The following TYK2 variants were observed in gnomAD, a reference collection of about 807,000 sequenced individuals.
TYK2 encodes the protein non-receptor tyrosine-protein kinase TYK2.
In TYK2, 65 loss-of-function variants were observed where a neutral mutation model predicts 130.9. The observed-to-expected ratio is 0.50, with a 90% confidence interval of 0.41 to 0.61. TYK2 has a LOEUF of 0.61. Among genes scored for constraint, TYK2 ranks in the 20% least tolerant of loss-of-function variants. TYK2 has a pLI of 0.00. For missense variants in TYK2, 1,378 were observed against 1,610.7 expected (o/e 0.86, Z 2.47); for synonymous variants, 647 against 658.9 (o/e 0.98, Z 0.28).
At chr19:10,377,556 G>GGATGGA (rs2042182507) in intron 3 of TYK2, among the ~76,000 whole-genome samples, 3 of 58,954 alleles carry the variant, frequency 5.1e-5, no homozygotes, top group African/African-American at 1.9e-4. Context: ...GGGTGGGTGG[G>GGATGGA]TGGATGGATG....
chr19:10,378,264 T>C lies in TYK2; in HGVS notation c.143A>G (p.Glu48Gly). 6.2e-7 allele frequency: 1 copy of C among 1,612,906 alleles called. No homozygotes were observed. Among genetic ancestry groups the C allele is most frequent in the Non-Finnish European group, 8.5e-7 (1 of 1,179,964 alleles). The stretch of plus-strand genomic sequence containing the variant: ...GACTTCCTCAGCTGTCAGCGATGAC[T>C]CACTGAAAGTGACCCAGGGCTCCCC... Reference protein sequence around the residue: ...GGGEPWVTFSESSLTAEEVCI... With the variant: ...GGGEPWVTFSGSSLTAEEVCI... The change falls in exon 3 of 25, where the codon GAG (glutamate) becomes GGG (glycine). Residue 48 changes from glutamate to glycine, a missense_variant. Transcript: ENST00000525621.
At position 10,353,686 on chromosome 19, in the gene TYK2, G is replaced by T; in HGVS notation, c.2909-40C>A. 1.4e-6 allele frequency: 2 copies of T among 1,419,874 alleles called. No individual in the cohort carries two copies. The highest frequency in any genetic ancestry group is 1.9e-6 in the Non-Finnish European group (2 of 1,067,570). The allele number at this position is 1,419,874 out of a possible 1,614,324, so 88.0% of individuals were successfully genotyped here. On this transcript the variant is annotated intron_variant, in intron 20 of 24. Coordinates refer to ENST00000525621, the MANE Select transcript of TYK2 (RefSeq NM_003331.5). The surrounding 1 kb of genome is among the most constrained non-coding windows in gnomAD (Gnocchi z 6.9). The stretch of plus-strand genomic sequence containing the variant: ...GGCGGCCCCGGTGGGGGACGATAGA[G>T]GGCGGGCCGGGGACCGCCTACCTTG...
chr19:10,362,557 G>T lies in TYK2; in HGVS notation c.1468C>A (p.Arg490Ser). The T allele has an allele frequency of 6.4e-7, 1 of 1,555,088 alleles. No homozygotes were observed. Among genetic ancestry groups the T allele is most frequent in the Non-Finnish European group, 8.7e-7 (1 of 1,149,004 alleles). Residue 490 changes from arginine to serine, a missense_variant, in exon 10 of 25, where the codon CGT becomes AGT. Coordinates refer to ENST00000525621, the MANE Select transcript of TYK2 (RefSeq NM_003331.5). ...CCCAGCCCTGGGCTCACCTGGCTAC[G>T]CTGGGCCACTGTGAGGATCAGGCGG... The part of the protein sequence containing the change: ...PYRLILTVAQ[R>S]SQAPDGMQSL...
At chr19:10,357,939 G>A (rs2041184502) in intron 16 of TYK2, 21 bp from the exon 17 acceptor site, 1 of 1,613,416 alleles carries the variant, frequency 6.2e-7, no homozygotes, top group Admixed American at 1.7e-5. Flanking sequence ...AAGGTCAGAG[G>A]TCACCAAGGG....
In TYK2 at chr19:10,361,424, G is replaced by T. The variant is rs2041393335; in HGVS notation, c.2047+87C>A. The stretch of plus-strand genomic sequence containing the variant: ...AGAAATAGGCATAGGTTGGGGTGTA[G>T]GTCGAGGGTTGGGGTACAGATCAGG... On this transcript the variant is annotated intron_variant, in intron 14 of 24. Transcript: ENST00000525621. This position sits in a 1 kb window ranked among gnomAD's most constrained non-coding sequence, Gnocchi z 4.0. 2 of 1,302,404 alleles carry T rather than the reference G, an allele frequency of 1.5e-6. No homozygotes were observed. Among genetic ancestry groups the T allele is most frequent in the African/African-American group, 2.9e-5 (2 of 68,164 alleles). The allele number at this position is 1,302,404 out of a possible 1,614,324, so 80.7% of individuals were successfully genotyped here.
At position 10,353,536 on chromosome 19, in the gene TYK2, T is replaced by C. The variant is rs771379400; in HGVS notation, c.3019A>G (p.Ile1007Val). The change falls in exon 21 of 25, where the codon ATC becomes GTC. Residue 1007 changes from isoleucine (I) to valine (V), a missense_variant. By Grantham distance (29) the Ile-to-Val change is conservative (BLOSUM62 3). Transcript: ENST00000525621. The surrounding 1 kb of genome is among the most constrained non-coding windows in gnomAD (Gnocchi z 6.9). ...LAQLLLFAQQICEGMAYLHAQ... is the reference protein window; with the variant it reads ...LAQLLLFAQQVCEGMAYLHAQ... ...GGGCGGGGCCGACCAACCTCGCAGA[T>C]CTGCTGGGCGAAGAGCAGCAGCTGG... is the stretch of plus-strand genomic sequence containing the variant. The C allele has an allele frequency of 1.3e-6, 2 of 1,497,650 alleles. No individual in the cohort carries two copies. The highest frequency in any genetic ancestry group is 2.4e-5 in the East Asian group (1 of 41,236). 92.8% of individuals were successfully genotyped at this position (1,497,650 alleles called of 1,614,324 possible).
chr19:10,367,835 A>G (rs2041736597), intron 5 of TYK2, among the ~76,000 whole-genome samples: 1 of 149,130 alleles, frequency 6.7e-6, no homozygotes, highest in Admixed American at 6.7e-5. Flanking sequence ...CAGGAAAATG[A>G]CGGGAACCTG....
rs756870112 is a variant in TYK2, at chr19:10,359,298, G to A, written c.2052C>T (p.Ile684=). Residue 684 remains isoleucine, a synonymous_variant, in exon 15 of 25, where the codon ATC becomes ATT. Coordinates refer to ENST00000525621, the MANE Select transcript of TYK2 (RefSeq NM_003331.5). ...HGVCVRGPEN[I]MVTEYVEHGP... ...CGTGCTCCACGTACTCTGTCACCAT[G>A]ATATCTGTAAAGACACAGCTGCTCT... The A allele has an allele frequency of 1.1e-5, 17 of 1,611,048 alleles. No homozygotes were observed. Among genetic ancestry groups the A allele is most frequent in the Non-Finnish European group, 1.4e-5 (17 of 1,179,914 alleles).
chr19:10,376,934 C>T (rs955548386), intron 3 of TYK2, among the ~76,000 whole-genome samples: 11 of 152,056 alleles, frequency 7.2e-5, no homozygotes, highest in Non-Finnish European at 1.3e-4. Context: ...CTGGGTCTCA[C>T]TCTGTCACCC....
At chr19:10,351,428 A>G (rs1005809785) in intron 23 of TYK2, 2 of 395,642 alleles carry the variant, frequency 5.1e-6, no homozygotes. Context: ...CGGAGGTTGC[A>G]GTGAGCCGAG....
At position 10,370,700 on chromosome 19, in the gene TYK2, C is replaced by T. The variant is rs148387029; in HGVS notation, c.194-2282G>A. On this transcript the variant is annotated intron_variant, in intron 3 of 24. Coordinates refer to ENST00000525621, the MANE Select transcript of TYK2 (RefSeq NM_003331.5). ...GGGTGTGGGGGTGAGCACCTGTAAT[C>T]GCAGCTACTCAGCAGGCTGAGGCAA... 4.0e-5 allele frequency among the ~76,000 whole-genome samples: 6 copies of T among 151,578 alleles called. No individual in the cohort carries two copies. The East Asian group carries it at 9.8e-4, about 25-fold the overall frequency.
At position 10,353,759 on chromosome 19, in the gene TYK2, G is replaced by T; in HGVS notation, c.2909-113C>A. 2.5e-6 allele frequency: 2 copies of T among 786,996 alleles called. No individual in the cohort carries two copies. The highest frequency in any genetic ancestry group is 2.0e-6 in the Non-Finnish European group (1 of 505,334). 48.8% of individuals were successfully genotyped at this position (786,996 alleles called of 1,614,324 possible). On this transcript the variant is annotated intron_variant, in intron 20 of 24. Coordinates refer to ENST00000525621, the MANE Select transcript of TYK2 (RefSeq NM_003331.5). The surrounding 1 kb of genome is among the most constrained non-coding windows in gnomAD (Gnocchi z 6.9). Reference sequence around the variant, plus strand: ...GTCGGGAGGGAAGGCCAAGACCCGCGCACACTAGACCCAGTTCTCAGGTGG... The same window carrying T: ...GTCGGGAGGGAAGGCCAAGACCCGCTCACACTAGACCCAGTTCTCAGGTGG...
chr19:10,370,258 C>T (rs1321067604), intron 3 of TYK2, among the ~76,000 whole-genome samples: 1 of 151,622 alleles, frequency 6.6e-6, no homozygotes, highest in Non-Finnish European at 1.5e-5. Context: ...ACTTGGGAGG[C>T]TGAGGCAGGA....
chr19:10,372,486 T>TATATATATTTATATATA lies in TYK2; in HGVS notation c.194-4069_194-4068insTATATATAAATATATAT, dbSNP rs2041960598. 2.0e-4 allele frequency among the ~76,000 whole-genome samples: 9 copies of TATATATATTTATATATA among 45,058 alleles called. 1 individual carries two copies. The allele number at this position is 45,058 out of a possible 152,430, so 29.6% of individuals were successfully genotyped here. ...TATATATATATATATATATATATATTTTTTTTTTTTTTTTTTTTTTTGAGA... is the reference window on the plus strand; with the variant it reads ...TATATATATATATATATATATATATTATATATATTTATATATATTTTTTTTTTTTTTTTTTTTTGAGA... On this transcript the variant is annotated intron_variant, in intron 3 of 24. Transcript: ENST00000525621.
intron 3 of TYK2, among the ~76,000 whole-genome samples, chr19:10,372,367 C>T (rs1222614554): frequency 7.0e-6 from 1 of 142,842 alleles, no homozygotes; most frequent in Non-Finnish European, 1.5e-5. Context: ...AATCATGGCT[C>T]AGTGCAGCCA....
In TYK2 at chr19:10,354,033, C is replaced by T; in HGVS notation, c.2908+9G>A. ...CTCAAGTCTCTAGGACTCGCCGGGT[C>T]CCGCCCACCTTGGTCCTCGCAGCAG... is the stretch of plus-strand genomic sequence containing the variant. On this transcript the variant is annotated intron_variant, in intron 20 of 24. Transcript: ENST00000525621. 6.2e-7 allele frequency: 1 copy of T among 1,613,876 alleles called. No homozygotes were observed. The highest frequency in any genetic ancestry group is 2.2e-5 in the East Asian group (1 of 44,888).
intron 22 of TYK2, 22 bp from the exon 23 acceptor site, chr19:10,352,573 G>A (rs755252598): frequency 6.0e-5 from 70 of 1,172,468 alleles, no homozygotes; most frequent in Admixed American, 2.1e-5. Flanking sequence ...GGGGCACTCA[G>A]GCCACGGGGG....
At position 10,362,136 on chromosome 19, in the gene TYK2, C is replaced by T; in HGVS notation, c.1715G>A (p.Arg572Lys). ...IIMRGARASP[R>K]TLNLSQLSFH... is the part of the protein sequence containing the mutation. ...GCTGAGCTGGCTGAGGTTGAGTGTC[C>T]TGGGGCTGGCCCGAGCCCCCCGCAT... is the stretch of plus-strand genomic sequence containing the variant. The change falls in exon 12 of 25, where the codon AGG (arginine) becomes AAG (lysine). Residue 572 changes from arginine to lysine, a missense_variant. By Grantham distance (26) the Arg-to-Lys change is conservative (BLOSUM62 2). Transcript: ENST00000525621. 2 of 1,614,086 alleles carry T rather than the reference C, an allele frequency of 1.2e-6. No homozygotes were observed. Among genetic ancestry groups the T allele is most frequent in the African/African-American group, 1.3e-5 (1 of 75,032 alleles).
At chr19:10,357,400 C>A (rs575549259) in intron 17 of TYK2, 1 of 648,480 alleles carries the variant, frequency 1.5e-6, no homozygotes, top group African/African-American at 1.8e-5. Flanking sequence ...AAAATAAAAC[C>A]ACCACACTCA....
Sources: gnomAD v4.1 joint callset for allele counts (sites outside exome capture counted in the v4.1 genomes callset) on GRCh38, gnomAD v4.1.1 for gene constraint, Gnocchi (gnomAD v3.1) non-coding constraint, MANE v1.5 for transcripts, NCBI Gene and HGNC (gene_info 2026-07-23, HGNC 2026-07-21) for gene names.